AMD1: variants seen among roughly 807,000 people sequenced by gnomAD.
AMD1 encodes the protein S-adenosylmethionine decarboxylase proenzyme.
In AMD1, 11 loss-of-function variants were observed where a neutral mutation model predicts 40.2. That is an observed-to-expected ratio of 0.27 (90% CI 0.17 to 0.45). The LOEUF (loss-of-function observed/expected upper bound fraction) is 0.45, where lower values mean the gene tolerates loss of function less well. Among genes scored for constraint, AMD1 ranks in the 20% least tolerant of loss-of-function variants. The probability of loss-of-function intolerance (pLI) is 1.00; values close to 1 mark genes in which losing one functional copy is unlikely to be tolerated. For synonymous variants in AMD1, 121 were observed against 130.8 expected, an observed-to-expected ratio of 0.93 and a Z score of 0.51; for missense variants, 257 against 410.2, an observed-to-expected ratio of 0.63 and a Z score of 3.23.
chr6:110,851,355 A>G, the AMD1 span, among the ~76,000 whole-genome samples: 2 of 151,730 alleles, frequency 1.3e-5, no homozygotes, highest in Admixed American at 1.3e-4. Context: ...CCCTGCCTTG[A>G]CCTCCCAAAA....
chr6:110,848,821 G>A, the AMD1 span: 5 of 210,456 alleles, frequency 2.4e-5, no homozygotes, highest in African/African-American at 2.3e-5. Flanking sequence ...GGGCAAGAAC[G>A]TAACAAACAC....
the AMD1 span, chr6:110,858,566 G>C: frequency 3.1e-6 from 5 of 1,600,154 alleles, no homozygotes; most frequent in Non-Finnish European, 4.3e-6. Flanking sequence ...CGATGCCAAC[G>C]ACCTGTTTGA....
In AMD1 at chr6:110,892,715, C is replaced by CG. The variant is rs200834940; in HGVS notation, c.616-18dup. 2,240 of 1,518,624 alleles carry CG rather than the reference C, an allele frequency of 1.5e-3. 39 individuals carry two copies. The African/African-American group carries it at 0.041, about 28-fold the overall frequency. The allele number at this position is 1,518,624 out of a possible 1,614,324, so 94.1% of individuals were successfully genotyped here. A position where few individuals can be genotyped will look rare whatever the true frequency, so the allele number is the denominator to read the frequency against. On this transcript the variant is annotated intron_variant, in intron 6 of 8. Coordinates refer to ENST00000368885, the MANE Select transcript of AMD1 (RefSeq NM_001634.6). ...TTATTTGTCAAACCCTTGTTAAACT[C>CG]GGTCTTTTTCCCCCCCCAGGAGAGT... is the stretch of plus-strand genomic sequence containing the variant.
chr6:110,890,896 T>C (rs1410388737), intron 4 of AMD1: 1 of 152,202 alleles, frequency 6.6e-6, no homozygotes, highest in Non-Finnish European at 1.5e-5. Context: ...TCAGATAAAA[T>C]ATTTTTAGTT....
At chr6:110,858,811 C>T in the AMD1 span, 1 of 771,308 alleles carries the variant, frequency 1.3e-6, no homozygotes, top group Non-Finnish European at 2.4e-6. Context: ...GGCATCTCTA[C>T]GACCCCAAGA....
chr6:110,859,565 CT>C, the AMD1 span, among the ~76,000 whole-genome samples: 61 of 150,286 alleles, frequency 4.1e-4, no homozygotes, highest in East Asian at 1.4e-3. Context: ...AAGAAAAATA[CT>C]TTTTTTTTTC....
At chr6:110,857,425 G>C in the AMD1 span, among the ~76,000 whole-genome samples, 1 of 151,376 alleles carries the variant, frequency 6.6e-6, no homozygotes, top group South Asian at 2.1e-4. Context: ...CCAGCTACTC[G>C]GGAGGTTGAG....
the AMD1 span, among the ~76,000 whole-genome samples, chr6:110,833,426 G>T: frequency 1.3e-5 from 2 of 152,092 alleles, no homozygotes; most frequent in African/African-American, 4.8e-5. Context: ...AACACTTCAG[G>T]TAGACTAATT....
chr6:110,863,374 T>TC, the AMD1 span, among the ~76,000 whole-genome samples: 1 of 149,410 alleles, frequency 6.7e-6, no homozygotes, highest in African/African-American at 2.5e-5. Flanking sequence ...CTGCTTGCTT[T>TC]TTTTTTTTTT....
At chr6:110,854,219 T>C in the AMD1 span, among the ~76,000 whole-genome samples, 1 of 152,220 alleles carries the variant, frequency 6.6e-6, no homozygotes, top group Non-Finnish European at 1.5e-5. Context: ...AATAGTATTC[T>C]TTAGCACTGG....
the AMD1 span, among the ~76,000 whole-genome samples, chr6:110,816,511 A>G: frequency 6.6e-6 from 1 of 152,226 alleles, no homozygotes; most frequent in Non-Finnish European, 1.5e-5. Context: ...CCAACACAGG[A>G]AAATGCTTCA....
chr6:110,840,415 G>T, the AMD1 span, among the ~76,000 whole-genome samples: 3 of 151,974 alleles, frequency 2.0e-5, no homozygotes, highest in African/African-American at 7.3e-5. Context: ...TTCAAGGTGG[G>T]GTTCCAACAA....
chr6:110,843,637 AGTGCAGTG>A, the AMD1 span, among the ~76,000 whole-genome samples: 1 of 152,078 alleles, frequency 6.6e-6, no homozygotes, highest in Non-Finnish European at 1.5e-5. Context: ...CCCAGGCTGG[AGTGCAGTG>A]GCGCCATCTT....
chr6:110,837,401 G>C, the AMD1 span, among the ~76,000 whole-genome samples: 1 of 151,460 alleles, frequency 6.6e-6, no homozygotes, highest in South Asian at 2.1e-4. Context: ...GTTTTACCAG[G>C]TTCATAATTG....
rs1554238000 is a variant in AMD1, at chr6:110,892,725, C to CCA, written c.616-9_616-8insAC. 3 of 1,454,992 alleles carry CCA rather than the reference C, an allele frequency of 2.1e-6. No individual in the cohort carries two copies. Among genetic ancestry groups the CCA allele is most frequent in the Non-Finnish European group, 2.7e-6 (3 of 1,102,574 alleles). 90.1% of individuals were successfully genotyped at this position (1,454,992 alleles called of 1,614,324 possible). ...AACCCTTGTTAAACTCGGTCTTTTT[C>CCA]CCCCCCCAGGAGAGTGGAATTCGTG... is the stretch of plus-strand genomic sequence containing the variant. On this transcript the variant is annotated splice_polypyrimidine_tract_variant and intron_variant, in intron 6 of 8. Transcript: ENST00000368885.
the AMD1 span, among the ~76,000 whole-genome samples, chr6:110,823,328 C>T: frequency 6.6e-6 from 1 of 152,108 alleles, no homozygotes; most frequent in Non-Finnish European, 1.5e-5. Context: ...GACAAGAATG[C>T]CCACTTTCAC....
chr6:110,822,122 C>T, the AMD1 span, among the ~76,000 whole-genome samples: 5 of 152,000 alleles, frequency 3.3e-5, no homozygotes, highest in Non-Finnish European at 7.4e-5. Flanking sequence ...CCTGTAATCC[C>T]AGCACTTTGG....
At chr6:110,847,256 T>G in the AMD1 span, among the ~76,000 whole-genome samples, 1 of 152,218 alleles carries the variant, frequency 6.6e-6, no homozygotes, top group Middle Eastern at 3.4e-3. Context: ...CCGGGCACAG[T>G]GGCTCACGCC....
At chr6:110,848,623 C>T in the AMD1 span, 2 of 570,090 alleles carry the variant, frequency 3.5e-6, no homozygotes, top group South Asian at 1.8e-5. Flanking sequence ...TCTTTTGCAA[C>T]CCAGAACTCA....
Sources: gnomAD v4.1 joint callset for allele counts (sites outside exome capture counted in the v4.1 genomes callset) on GRCh38, gnomAD v4.1.1 for gene constraint, MANE v1.5 for transcripts, NCBI Gene and HGNC (gene_info 2026-07-23, HGNC 2026-07-21) for gene names.